TTC7A: variants seen among roughly 807,000 people sequenced by gnomAD.
TTC7A encodes tetratricopeptide repeat protein 7A.
A neutral mutation model predicts 103.7 loss-of-function variants in TTC7A; 110 were observed. The ratio of observed to expected loss-of-function variants is 1.06; its 90% CI spans 0.91 to 1.24. TTC7A has a LOEUF of 1.24. Among genes scored for constraint, TTC7A ranks in the 50% most tolerant of loss-of-function variants. The probability of loss-of-function intolerance (pLI) is 0.00; values close to 1 mark genes in which losing one functional copy is unlikely to be tolerated. For missense variants in TTC7A, 1,340 were observed against 1,116.3 expected (o/e 1.20, Z -2.86); for synonymous variants, 521 against 467.9 (o/e 1.11, Z -1.47).
At chr2:47,051,497 C>G (rs1400588734) in intron 17 of TTC7A, among the ~76,000 whole-genome samples, 1 of 152,174 alleles carries the variant, frequency 6.6e-6, no homozygotes, top group African/African-American at 2.4e-5. Flanking sequence ...ATTGTTTTCC[C>G]AGGAATAGAT....
At chr2:46,995,001 G>A (rs1279083680) in intron 7 of TTC7A, 135 bp from the exon 8 acceptor site, 22 of 766,026 alleles carry the variant, frequency 2.9e-5, no homozygotes, top group Non-Finnish European at 4.7e-5. Context: ...GGTATCCGGT[G>A]CCCATGAATT....
chr2:47,057,174 T>C (rs1411536072), intron 18 of TTC7A, among the ~76,000 whole-genome samples: 1 of 152,160 alleles, frequency 6.6e-6, no homozygotes, highest in African/African-American at 2.4e-5. Context: ...GGCAGTGCAT[T>C]GTCACCCCAG....
At chr2:47,049,855 C>T in intron 16 of TTC7A, 94 bp from the exon 17 acceptor site, 1 of 924,780 alleles carries the variant, frequency 1.1e-6, no homozygotes, top group Non-Finnish European at 1.7e-6. Context: ...CCCATTCTCC[C>T]TGCCAGTCCT....
At chr2:47,072,350 C>A (rs1346754872) in intron 19 of TTC7A, among the ~76,000 whole-genome samples, 1 of 152,216 alleles carries the variant, frequency 6.6e-6, no homozygotes, top group Non-Finnish European at 1.5e-5. Flanking sequence ...CCTCTTCCTC[C>A]CCCGCCCCCT....
chr2:47,069,983 T>C (rs1180382580), intron 19 of TTC7A, among the ~76,000 whole-genome samples: 1 of 148,282 alleles, frequency 6.7e-6, no homozygotes, highest in East Asian at 2.1e-4. Context: ...CTTCTATAAA[T>C]ACTTGAGGGC....
chr2:46,932,662 A>G (rs973438754), intron 2 of TTC7A, among the ~76,000 whole-genome samples: 1 of 152,034 alleles, frequency 6.6e-6, no homozygotes, highest in African/African-American at 2.4e-5. Context: ...GCAATTTGGG[A>G]GGCCAAGATG....
chr2:46,953,093 T>C (rs890448700), intron 2 of TTC7A, among the ~76,000 whole-genome samples: 1 of 152,236 alleles, frequency 6.6e-6, no homozygotes, highest in African/African-American at 2.4e-5. Context: ...AGAAATTTAC[T>C]GTTATCCAGG....
chr2:47,012,752 C>T (rs1234044129), intron 11 of TTC7A, among the ~76,000 whole-genome samples: 2 of 152,170 alleles, frequency 1.3e-5, no homozygotes, highest in African/African-American at 4.8e-5. Context: ...CTTCTCTCTG[C>T]TCCAGGGAGT....
Position 46,927,506 on chromosome 2 carries a change from G to A in TTC7A, c.82+10229G>A, listed in dbSNP as rs201153679. ...AGAGTAGCTGGGACTACAGGCATCC[G>A]CCACCACGCCCGGCTAATTTTGTTT... On this transcript the variant is annotated intron_variant, in intron 2 of 20. Coordinates refer to the TTC7A transcript ENST00000409245. Among the ~76,000 whole-genome samples the A allele has an allele frequency of 6.1e-4, 92 of 151,888 alleles. 2 individuals carry two copies. In the East Asian group the frequency reaches 0.011, roughly 18 times the overall value.
chr2:46,951,449 G>A (rs899485304), intron 2 of TTC7A, among the ~76,000 whole-genome samples: 2 of 152,168 alleles, frequency 1.3e-5, no homozygotes, highest in South Asian at 2.1e-4. Flanking sequence ...TAGTGGCATG[G>A]GTATGTCATT....
chr2:46,952,297 A>G (rs1331847097), intron 2 of TTC7A, among the ~76,000 whole-genome samples: 1 of 152,150 alleles, frequency 6.6e-6, no homozygotes, highest in East Asian at 1.9e-4. Flanking sequence ...GTTGGACCAG[A>G]TTGGTGGGGT....
intron 5 of TTC7A, among the ~76,000 whole-genome samples, chr2:46,988,147 G>A (rs1319383408): frequency 1.3e-5 from 2 of 152,104 alleles, no homozygotes; most frequent in Non-Finnish European, 2.9e-5. Flanking sequence ...CTCTCTGAAT[G>A]CACAGCCTTT....
At chr2:47,052,474 A>G (rs144026632) in intron 18 of TTC7A, among the ~76,000 whole-genome samples, 125 of 152,280 alleles carry the variant, frequency 8.2e-4, no homozygotes, top group African/African-American at 2.8e-3. Flanking sequence ...GGCCATTACA[A>G]GTGCTCAGCA....
At position 46,956,739 on chromosome 2, in the gene TTC7A, C is replaced by T. The variant is rs545875159; in HGVS notation, c.349-100C>T. 277 of 1,339,744 alleles carry T rather than the reference C, an allele frequency of 2.1e-4. 2 individuals are homozygous for T. The South Asian group carries it at 2.9e-3, about 14-fold the overall frequency. The allele number at this position is 1,339,744 out of a possible 1,614,324, so 83.0% of individuals were successfully genotyped here. On this transcript the variant is annotated intron_variant, in intron 2 of 19. Coordinates refer to ENST00000319190, the MANE Select transcript of TTC7A (RefSeq NM_020458.4). ...GGCTTTCTGGAGGAGGAGGGGAGTT[C>T]TGAGCAAGGTCTGAGGCAAACAAGG... is the stretch of plus-strand genomic sequence containing the variant.
chr2:46,936,918 G>C (rs190573530), upstream of TTC7A, among the ~76,000 whole-genome samples: 1 of 149,858 alleles, frequency 6.7e-6, no homozygotes, highest in Non-Finnish European at 1.5e-5. Context: ...GCAGTGGCAC[G>C]ATCTCAGCTC....
intron 2 of TTC7A, among the ~76,000 whole-genome samples, chr2:46,926,658 G>A (rs1207961022): frequency 6.6e-6 from 1 of 152,194 alleles, no homozygotes; most frequent in Non-Finnish European, 1.5e-5. Flanking sequence ...CGTCCTTTCA[G>A]AAGAATATAA....
In TTC7A at chr2:47,047,272, T is replaced by C. The variant is rs140717340; in HGVS notation, c.1919+841T>C. 570 of 1,547,578 alleles carry C rather than the reference T, an allele frequency of 3.7e-4. 2 individuals carry two copies. In the East Asian group the frequency reaches 8.2e-3, roughly 22 times the overall value. ...TATATTTGTGTTTTCACAGAGACTT[T>C]AGGAGCCCAGAAGGCTTCCAGACTC... On this transcript the variant is annotated intron_variant, in intron 16 of 19. Coordinates refer to ENST00000319190, the MANE Select transcript of TTC7A (RefSeq NM_020458.4).
chr2:46,996,652 C>T (rs1263253434), intron 8 of TTC7A, among the ~76,000 whole-genome samples: 4 of 152,150 alleles, frequency 2.6e-5, no homozygotes, highest in Non-Finnish European at 5.9e-5. Flanking sequence ...TGCCAGCTGG[C>T]CAGGGTGTTG....
At chr2:46,994,035 T>C (rs1456385817) in intron 6 of TTC7A, among the ~76,000 whole-genome samples, 1 of 152,038 alleles carries the variant, frequency 6.6e-6, no homozygotes, top group Non-Finnish European at 1.5e-5. Context: ...TTCCCAATAC[T>C]GCAAGGTCCT....
Sources: allele counts gnomAD v4.1 joint callset (sites outside exome capture counted in the v4.1 genomes callset), GRCh38; gene constraint gnomAD v4.1.1; transcripts MANE v1.5; gene names NCBI Gene and HGNC (gene_info 2026-07-23, HGNC 2026-07-21).